Variants in CCSER1 observed in about 807,000 individuals in gnomAD.
CCSER1 encodes the protein coiled-coil serine rich protein 1.
CCSER1 carries 41 observed loss-of-function variants against 82.0 expected under a neutral mutation model. The ratio of observed to expected loss-of-function variants is 0.50; its 90% CI spans 0.39 to 0.65. CCSER1 has a LOEUF of 0.65. CCSER1 is among the 30% of genes least tolerant of loss of function. The pLI is 0.00. For missense variants in CCSER1, 1,119 were observed against 1,064.2 expected (o/e 1.05, Z -0.72); for synonymous variants, 414 against 383.9 (o/e 1.08, Z -0.92).
chr4:91,311,299 C>T (rs1256297898), intron 10 of CCSER1, among the ~76,000 whole-genome samples: 3 of 151,880 alleles, frequency 2.0e-5, no homozygotes, highest in East Asian at 1.9e-4. Flanking sequence ...AGGTATCAAA[C>T]TTTAAGTTAT....
At chr4:90,674,621 T>G (rs1733480284) in intron 6 of CCSER1, among the ~76,000 whole-genome samples, 1 of 151,912 alleles carries the variant, frequency 6.6e-6, no homozygotes, top group Non-Finnish European at 1.5e-5. Flanking sequence ...ACATATATAT[T>G]TATGTTCACT....
At chr4:90,424,181 C>CT (rs11379379) in intron 4 of CCSER1, among the ~76,000 whole-genome samples, 51,273 of 151,648 alleles carry the variant, frequency 0.34, 14,831 homozygotes, top group African/African-American at 0.79. Flanking sequence ...TGATTAGCAA[C>CT]TTTTTTTTCT....
chr4:90,310,935 T>C (rs2153479955), intron 2 of CCSER1, among the ~76,000 whole-genome samples: 1 of 152,228 alleles, frequency 6.6e-6, no homozygotes. Flanking sequence ...TGTTTGTCCA[T>C]TTTTGGAACT....
chr4:90,904,025 G>T (rs1304272458), intron 8 of CCSER1, among the ~76,000 whole-genome samples: 1 of 151,726 alleles, frequency 6.6e-6, no homozygotes, highest in Non-Finnish European at 1.5e-5. Context: ...CATGAAGTTG[G>T]CAACTTATGA....
At chr4:90,768,454 AAAT>A (rs1247484090) in intron 7 of CCSER1, among the ~76,000 whole-genome samples, 5 of 152,228 alleles carry the variant, frequency 3.3e-5, no homozygotes, top group African/African-American at 1.2e-4. Context: ...ATAATTTGTT[AAAT>A]AACAACAGAT....
At chr4:91,132,606 C>T (rs1728092859) in intron 10 of CCSER1, among the ~76,000 whole-genome samples, 1 of 152,200 alleles carries the variant, frequency 6.6e-6, no homozygotes, top group South Asian at 2.1e-4. Context: ...ATGAACATCC[C>T]TCCCTTCAAG....
chr4:90,452,451 A>G (rs1761581701), intron 4 of CCSER1, among the ~76,000 whole-genome samples: 1 of 152,232 alleles, frequency 6.6e-6, no homozygotes, highest in Non-Finnish European at 1.5e-5. Context: ...CTGTTAAGTT[A>G]TTCCCCATGG....
At chr4:90,587,382 T>C (rs112621181) in intron 5 of CCSER1, among the ~76,000 whole-genome samples, 2,739 of 152,210 alleles carry the variant, frequency 0.018, 79 homozygotes, top group African/African-American at 0.057. Context: ...GAGGCCGAGG[T>C]GGGCAGATCA....
intron 1 of CCSER1, among the ~76,000 whole-genome samples, chr4:90,192,291 T>G (rs535161681): frequency 2.0e-5 from 3 of 152,068 alleles, no homozygotes; most frequent in African/African-American, 7.2e-5. Context: ...GGGAAAGACC[T>G]GCCCCATGAT....
chr4:91,563,946 C>T (rs956336262), intron 10 of CCSER1, among the ~76,000 whole-genome samples: 5 of 151,832 alleles, frequency 3.3e-5, no homozygotes, highest in South Asian at 4.2e-4. Context: ...TAGGTAAACA[C>T]GTGTCATGAT....
chr4:90,276,251 T>TTTCTTTCTTTCTTCCTTTCCTTCC (rs1727659770), intron 1 of CCSER1, among the ~76,000 whole-genome samples: 1 of 76,828 alleles, frequency 1.3e-5, no homozygotes, highest in African/African-American at 5.1e-5. Context: ...TCTTTCTTTC[T>TTTCTTTCTTTCTTCCTTTCCTTCC]TTCCTTCCTT....
chr4:90,646,921 A>G (rs1210366406), intron 6 of CCSER1, among the ~76,000 whole-genome samples: 1 of 152,084 alleles, frequency 6.6e-6, no homozygotes, highest in Non-Finnish European at 1.5e-5. Flanking sequence ...ACAGAACGCA[A>G]AATTGCTTAG....
At chr4:91,101,620 C>T (rs1264252821) in intron 10 of CCSER1, among the ~76,000 whole-genome samples, 2 of 113,302 alleles carry the variant, frequency 1.8e-5, no homozygotes, top group Non-Finnish European at 3.5e-5. Context: ...GGGGACAGAG[C>T]AAGACTCCGT....
At chr4:91,023,428 A>G (rs1740192611) in intron 9 of CCSER1, among the ~76,000 whole-genome samples, 1 of 152,210 alleles carries the variant, frequency 6.6e-6, no homozygotes, top group Non-Finnish European at 1.5e-5. Flanking sequence ...TACAGTAACC[A>G]AAACAGGATG....
chr4:90,473,182 C>T (rs1156419924), intron 5 of CCSER1, among the ~76,000 whole-genome samples: 2 of 152,076 alleles, frequency 1.3e-5, no homozygotes, highest in Admixed American at 6.6e-5. Flanking sequence ...AAAGAATAAC[C>T]ATGATTGGCT....
chr4:90,606,343 T>C (rs1784703182), intron 5 of CCSER1, among the ~76,000 whole-genome samples: 1 of 152,182 alleles, frequency 6.6e-6, no homozygotes, highest in Admixed American at 6.5e-5. Context: ...ACCTACATTA[T>C]AACGCAGTTG....
chr4:91,118,250 T>C (rs1245879894), intron 10 of CCSER1, among the ~76,000 whole-genome samples: 1 of 151,896 alleles, frequency 6.6e-6, no homozygotes, highest in African/African-American at 2.4e-5. Context: ...TGGTACTCTC[T>C]TTCTGGAAGA....
chr4:91,437,501 C>T (rs551735053), intron 10 of CCSER1, among the ~76,000 whole-genome samples: 144 of 152,208 alleles, frequency 9.5e-4, no homozygotes, highest in Non-Finnish European at 1.8e-3. Context: ...TGAGGGCAGC[C>T]AAGATGGCCG....
Position 90,857,617 on chromosome 4 carries a change from C to G in CCSER1, c.2094+41772C>G, listed in dbSNP as rs546622884. Among the ~76,000 whole-genome samples the G allele has an allele frequency of 1.4e-4, 22 of 152,208 alleles. No individual in the cohort carries two copies. The South Asian group carries it at 3.9e-3, about 27-fold the overall frequency. ...CCCTTTTAGTAGCTACCTACCACAT[C>G]AGCCACATGACATAGATTATGGGTT... On this transcript the variant is annotated intron_variant, in intron 8 of 10. Coordinates refer to ENST00000509176, the MANE Select transcript of CCSER1 (RefSeq NM_001145065.2).
Sources: allele counts gnomAD v4.1 joint callset (sites outside exome capture counted in the v4.1 genomes callset), GRCh38; gene constraint gnomAD v4.1.1; transcripts MANE v1.5; gene names NCBI Gene and HGNC (gene_info 2026-07-23, HGNC 2026-07-21).